NXN: variants seen among roughly 807,000 people sequenced by gnomAD.
The protein encoded by NXN is nucleoredoxin 1.
In NXN, 16 loss-of-function variants were observed where a neutral mutation model predicts 48.6. That is an observed-to-expected ratio of 0.33 (90% CI 0.22 to 0.50). NXN has a LOEUF of 0.50. Ranked by LOEUF, NXN falls within the 20% of genes least tolerant of loss-of-function variation. The probability of loss-of-function intolerance (pLI) is 0.98; values close to 1 mark genes in which losing one functional copy is unlikely to be tolerated. For synonymous variants in NXN, 281 were observed against 269.6 expected (o/e 1.04, Z -0.41); for missense variants, 492 against 605.5 (o/e 0.81, Z 1.97).
chr17:955,232 T>C (rs1179126224), intron 1 of NXN, among the ~76,000 whole-genome samples: 2 of 150,660 alleles, frequency 1.3e-5, no homozygotes, highest in African/African-American at 4.9e-5. Context: ...CAGTGCTATG[T>C]TCTCAGCTCA....
At chr17:961,479 T>C (rs575937021) in intron 1 of NXN, among the ~76,000 whole-genome samples, 1 of 152,260 alleles carries the variant, frequency 6.6e-6, no homozygotes, top group South Asian at 2.1e-4. Context: ...ATTCAGAGGA[T>C]TTCCAGGGTC....
chr17:925,266 C>G (rs2068787761), intron 1 of NXN, among the ~76,000 whole-genome samples: 2 of 152,146 alleles, frequency 1.3e-5, no homozygotes, highest in Admixed American at 1.3e-4. Flanking sequence ...TCACACTGCA[C>G]CTGCCTGAAC....
rs539535542 is a variant in NXN at position 810,447 on chromosome 17, A to T, written c.821-5200T>A. Among the ~76,000 whole-genome samples the T allele has an allele frequency of 5.9e-5, 9 of 152,302 alleles. 1 individual carries two copies. In the East Asian group the frequency reaches 1.7e-3, roughly 29 times the overall value. On this transcript the variant is annotated intron_variant, in intron 5 of 7. Transcript: ENST00000336868. ...CGTTTTCTTTAACGGCAGCCTATTTAGCTCGTTAACATCAGATGAAAATCA... is the reference window on the plus strand; with the variant it reads ...CGTTTTCTTTAACGGCAGCCTATTTTGCTCGTTAACATCAGATGAAAATCA...
rs2068510528 is a variant in NXN at position 898,487 on chromosome 17, T to C, written c.361-72409A>G. On this transcript the variant is annotated intron_variant, in intron 1 of 7. Transcript: ENST00000336868. ...TCTCACCCCTGTAATCCCAGCACCC[T>C]GCCTGGAACAGCTTTGATCTTCTTT... Among the ~76,000 whole-genome samples the C allele has an allele frequency of 2.9e-5, 2 of 69,964 alleles. 1 individual carries two copies. The highest frequency in any genetic ancestry group is 6.5e-5 in the African/African-American group (2 of 30,552). 45.9% of individuals were successfully genotyped at this position (69,964 alleles called of 152,430 possible).
At chr17:938,014 C>G (rs2068928432) in intron 1 of NXN, among the ~76,000 whole-genome samples, 2 of 152,208 alleles carry the variant, frequency 1.3e-5, no homozygotes, top group African/African-American at 4.8e-5. Flanking sequence ...GCTTTTGGTA[C>G]AAGGACAGGA....
chr17:915,214 G>A (rs188032204), intron 1 of NXN, among the ~76,000 whole-genome samples: 6 of 151,974 alleles, frequency 3.9e-5, no homozygotes, highest in Admixed American at 6.6e-5. Flanking sequence ...GATTACAGGC[G>A]TGAGCCACTG....
intron 1 of NXN, among the ~76,000 whole-genome samples, chr17:904,939 G>A (rs1382277084): frequency 1.3e-5 from 2 of 152,052 alleles, no homozygotes; most frequent in Non-Finnish European, 2.9e-5. Flanking sequence ...GTTTGGCAAA[G>A]CCCCCTGCAA....
At position 932,075 on chromosome 17, in the gene NXN, C is replaced by T. The variant is rs895868532; in HGVS notation, c.360+47244G>A. Among the ~76,000 whole-genome samples the T allele has an allele frequency of 2.0e-5, 3 of 151,570 alleles. No individual in the cohort carries two copies. The highest frequency in any genetic ancestry group is 1.5e-5 in the Non-Finnish European group (1 of 68,002). On this transcript the variant is annotated intron_variant, in intron 1 of 7. Coordinates refer to ENST00000336868, the MANE Select transcript of NXN (RefSeq NM_022463.5). The surrounding 1 kb of genome is among the most constrained non-coding windows in gnomAD (Gnocchi z 4.1). Reference sequence around the variant, plus strand: ...AGGAGAATCGCTTGAACCTGGGAGACGGAGGTTGCAGTGAGCTGAGATTGC... The same window carrying T: ...AGGAGAATCGCTTGAACCTGGGAGATGGAGGTTGCAGTGAGCTGAGATTGC...
In NXN at chr17:811,271, GCC is replaced by G. The variant is rs1911983971; in HGVS notation, c.821-6026_821-6025del. Among the ~76,000 whole-genome samples the G allele has an allele frequency of 2.0e-5, 3 of 152,178 alleles. No homozygotes were observed. In the South Asian group the frequency reaches 6.2e-4, roughly 32 times the overall value. On this transcript the variant is annotated intron_variant, in intron 5 of 7. Transcript: ENST00000336868. ...GCCCTGCACAGCCCTCAGGCCGTCC[GCC>G]CTCCCTGAAGGTTGGGCCACGGGAG... is the stretch of plus-strand genomic sequence containing the variant.
intron 1 of NXN, among the ~76,000 whole-genome samples, chr17:906,204 G>C (rs943600189): frequency 1.3e-5 from 2 of 152,020 alleles, no homozygotes; most frequent in African/African-American, 2.4e-5. Context: ...TACCTGCTTC[G>C]CAGCCATGAG....
chr17:888,563 G>C (rs1201094543), intron 1 of NXN, among the ~76,000 whole-genome samples: 1 of 151,972 alleles, frequency 6.6e-6, no homozygotes, highest in African/African-American at 2.4e-5. Context: ...GGTGCTCTTA[G>C]GTCTTCAGAC....
rs1567827521 is a variant in NXN, at chr17:841,448, C to CCGACCA, written c.361-15371_361-15370insTGGTCG. Among the ~76,000 whole-genome samples, 45 of 129,264 alleles carry CCGACCA rather than the reference C, an allele frequency of 3.5e-4. 5 individuals carry two copies. Among genetic ancestry groups the CCGACCA allele is most frequent in the East Asian group, 1.1e-3 (5 of 4,478 alleles). The allele number at this position is 129,264 out of a possible 152,430, so 84.8% of individuals were successfully genotyped here. ...ATCTCACACGGGCGAGCAGGTCCCC[C>CCGACCA]TGACCACGGCGCATCTCACACGGGC... On this transcript the variant is annotated intron_variant, in intron 1 of 7. Coordinates refer to ENST00000336868, the MANE Select transcript of NXN (RefSeq NM_022463.5).
intron 1 of NXN, among the ~76,000 whole-genome samples, chr17:837,246 G>A (rs940646314): frequency 1.3e-5 from 2 of 152,098 alleles, no homozygotes; most frequent in Admixed American, 1.3e-4. Context: ...CCAAAGTGCT[G>A]GGGCTACAGG....
At chr17:908,235 T>C (rs527310123) in intron 1 of NXN, among the ~76,000 whole-genome samples, 1 of 152,272 alleles carries the variant, frequency 6.6e-6, no homozygotes, top group South Asian at 2.1e-4. Flanking sequence ...CTAATTGGGT[T>C]ACTTCAAAAA....
At chr17:970,215 C>T (rs947786713) in intron 1 of NXN, among the ~76,000 whole-genome samples, 4 of 152,102 alleles carry the variant, frequency 2.6e-5, no homozygotes, top group African/African-American at 9.7e-5. Context: ...TCTGCCTCGT[C>T]GTGGTGCAGA....
chr17:967,427 C>T (rs576742683), intron 1 of NXN, among the ~76,000 whole-genome samples: 1 of 152,274 alleles, frequency 6.6e-6, no homozygotes, highest in Admixed American at 6.5e-5. Flanking sequence ...GCCACCCGGG[C>T]CTAAAGCTGA....
chr17:856,223 G>C (rs2067984763), intron 1 of NXN, among the ~76,000 whole-genome samples: 1 of 151,834 alleles, frequency 6.6e-6, no homozygotes, highest in Admixed American at 6.6e-5. Flanking sequence ...ATCTCTCCTT[G>C]CATTTGCCAA....
intron 1 of NXN, chr17:880,077 G>T (rs2068266994): frequency 6.6e-6 from 1 of 152,016 alleles, no homozygotes; most frequent in Non-Finnish European, 1.5e-5. Context: ...TTCATTAAAG[G>T]AATTTAAAAT....
At chr17:939,200 T>C (rs950561743) in intron 1 of NXN, among the ~76,000 whole-genome samples, 2 of 152,050 alleles carry the variant, frequency 1.3e-5, no homozygotes, top group African/African-American at 4.8e-5. Flanking sequence ...TAAAAACAAG[T>C]TTATAACAGC....
Sources: allele counts gnomAD v4.1 joint callset (sites outside exome capture counted in the v4.1 genomes callset), GRCh38; gene constraint gnomAD v4.1.1; non-coding constraint Gnocchi (gnomAD v3.1); transcripts MANE v1.5; gene names NCBI Gene and HGNC (gene_info 2026-07-23, HGNC 2026-07-21).